CAMSAP3: variants seen among roughly 807,000 people sequenced by gnomAD.
The protein encoded by CAMSAP3 is calmodulin regulated spectrin associated protein family member 3, also known as calmodulin-regulated spectrin-associated protein 3.
Under a neutral mutation model 112.5 loss-of-function variants are expected in CAMSAP3, and 34 were observed. That is an observed-to-expected ratio of 0.30 (90% CI 0.23 to 0.40). CAMSAP3 has a LOEUF of 0.40. Among genes scored for constraint, CAMSAP3 ranks in the 10% least tolerant of loss-of-function variants. The pLI is 1.00. For synonymous variants in CAMSAP3, 868 were observed against 799.8 expected, an observed-to-expected ratio of 1.09 and a Z score of -1.44; for missense variants, 1,602 against 1,770.3, an observed-to-expected ratio of 0.90 and a Z score of 1.71.
rs984404078 is a variant in CAMSAP3 at position 7,615,788 on chromosome 19, G to T, written c.3112+69G>T. 56 of 1,141,912 alleles carry T rather than the reference G, an allele frequency of 4.9e-5. No individual in the cohort carries two copies. Among genetic ancestry groups the T allele is most frequent in the Non-Finnish European group, 5.8e-5 (51 of 884,764 alleles). The allele number at this position is 1,141,912 out of a possible 1,614,324, so 70.7% of individuals were successfully genotyped here. On this transcript the variant is annotated intron_variant, in intron 13 of 16. Transcript: ENST00000160298. This position sits in a 1 kb window ranked among gnomAD's most constrained non-coding sequence, Gnocchi z 6.5. ...GGGCTCACTGGGTGAGGCCCCCATG[G>T]GTAAGGGGGGAGGGGGAGGGAGATG...
rs1462374887 is a variant in CAMSAP3, at chr19:7,611,205, C to A, written c.1123+37C>A. ...GTAGGTGGCTTCTGTCACGGGGGACCCCCCCACTCACAGACTGCCCCAGTG... is the reference window on the plus strand; with the variant it reads ...GTAGGTGGCTTCTGTCACGGGGGACACCCCCACTCACAGACTGCCCCAGTG... On this transcript the variant is annotated intron_variant, in intron 9 of 16. Transcript: ENST00000160298. The surrounding 1 kb of genome is among the most constrained non-coding windows in gnomAD (Gnocchi z 6.9). The A allele has an allele frequency of 1.9e-6, 3 of 1,600,512 alleles. No homozygotes were observed. Among genetic ancestry groups the A allele is most frequent in the Middle Eastern group, 1.7e-4 (1 of 6,030 alleles).
chr19:7,602,146 C>T (rs1011058280), intron 1 of CAMSAP3, among the ~76,000 whole-genome samples: 1 of 152,098 alleles, frequency 6.6e-6, no homozygotes, highest in African/African-American at 2.4e-5. Context: ...ACTTAATTGA[C>T]ATTTGGCAGT....
At position 7,607,867 on chromosome 19, in the gene CAMSAP3, T is replaced by C. The variant is rs2030296758; in HGVS notation, c.622-259T>C. ...AAGGAGTCGGGGAGCAAACCCCCCA[T>C]GGTAATGTATCCCCCGCCCCGGGGT... is the stretch of plus-strand genomic sequence containing the variant. On this transcript the variant is annotated intron_variant, in intron 4 of 16. Transcript: ENST00000160298. The surrounding 1 kb of genome is among the most constrained non-coding windows in gnomAD (Gnocchi z 4.9). 8.3e-7 allele frequency: 1 copy of C among 1,198,910 alleles called. No individual in the cohort carries two copies. The highest frequency in any genetic ancestry group is 1.2e-6 in the Non-Finnish European group (1 of 851,070). 74.3% of individuals were successfully genotyped at this position (1,198,910 alleles called of 1,614,324 possible).
chr19:7,598,778 C>T (rs1215978603), intron 1 of CAMSAP3, among the ~76,000 whole-genome samples: 1 of 151,168 alleles, frequency 6.6e-6, no homozygotes, highest in Non-Finnish European at 1.5e-5. Flanking sequence ...AAGAGAGAGA[C>T]TCTGTCTCAA....
At position 7,618,064 on chromosome 19, in the gene CAMSAP3, C is replaced by A; in HGVS notation, c.*7C>A. On this transcript the variant is annotated 3_prime_UTR_variant, in exon 17 of 17. Transcript: ENST00000160298. ...CGGCGGCACCCCCAAATAGCCCCAC[C>A]CGGGCGGTCCACGGGCCGGGCCCTG... is the stretch of plus-strand genomic sequence containing the variant. 1 of 1,608,260 alleles carries A rather than the reference C, an allele frequency of 6.2e-7. No individual in the cohort carries two copies. The highest frequency in any genetic ancestry group is 8.5e-7 in the Non-Finnish European group (1 of 1,177,566).
chr19:7,615,761 C>A lies in CAMSAP3; in HGVS notation c.3112+42C>A, dbSNP rs552321854. 272 of 989,304 alleles carry A rather than the reference C, an allele frequency of 2.7e-4. No individual in the cohort carries two copies. The East Asian group carries it at 0.027, about 98-fold the overall frequency. 61.3% of individuals were successfully genotyped at this position (989,304 alleles called of 1,614,324 possible). On this transcript the variant is annotated intron_variant, in intron 13 of 16. Coordinates refer to ENST00000160298, the MANE Select transcript of CAMSAP3 (RefSeq NM_020902.2). The surrounding 1 kb of genome is among the most constrained non-coding windows in gnomAD (Gnocchi z 6.5). ...GACGGGGCCTGCCCAGTGCCCTTTC[C>A]GGGGCTCACTGGGTGAGGCCCCCAT...
rs946751409 is a variant in CAMSAP3 at position 7,608,017 on chromosome 19, G to A, written c.622-109G>A. On this transcript the variant is annotated intron_variant, in intron 4 of 16. Transcript: ENST00000160298. Reference sequence around the variant, plus strand: ...CCCAACTCTGTCTCTGGGACCCCCAGCTTCCCGCCCCCTCATGGCGGAAAC... The same window carrying A: ...CCCAACTCTGTCTCTGGGACCCCCAACTTCCCGCCCCCTCATGGCGGAAAC... 2.2e-6 allele frequency: 3 copies of A among 1,386,318 alleles called. No individual in the cohort carries two copies. In the South Asian group the frequency reaches 3.8e-5, roughly 18 times the overall value. 85.9% of individuals were successfully genotyped at this position (1,386,318 alleles called of 1,614,324 possible). A position where few individuals can be genotyped will look rare whatever the true frequency, so the allele number is the denominator to read the frequency against.
chr19:7,617,435 A>C lies in CAMSAP3; in HGVS notation c.3322A>C (p.Thr1108Pro), dbSNP rs1157734778. The part of the protein sequence containing the change: ...ASSPASVPEY[T>P]GPRLYKEPSA... The stretch of plus-strand genomic sequence containing the variant: ...CTCCCCAGCGTCAGTGCCCGAGTAC[A>C]CAGGTAAGCAGGGGCTCTGGGTGAT... The change falls in exon 15 of 17, where the codon ACA becomes CCA. Residue 1108 changes from threonine to proline, a missense_variant. Coordinates refer to ENST00000160298, the MANE Select transcript of CAMSAP3 (RefSeq NM_020902.2). This position sits in a 1 kb window ranked among gnomAD's most constrained non-coding sequence, Gnocchi z 7.5. The C allele has an allele frequency of 2.5e-6, 4 of 1,613,656 alleles. No homozygotes were observed. Among genetic ancestry groups the C allele is most frequent in the Non-Finnish European group, 3.4e-6 (4 of 1,179,768 alleles).
Position 7,617,342 on chromosome 19 carries a change from G to A in CAMSAP3, c.3229G>A (p.Gly1077Ser). Residue 1077 changes from glycine to serine, a missense_variant, in exon 15 of 17, where the codon GGT (glycine) becomes AGT (serine). Physicochemically the swap from Gly to Ser is moderately conservative, Grantham distance 56. Around this residue, in one of 6 missense-constraint regions of CAMSAP3, gnomAD observed 1,100 missense variants for 1,135.7 expected, o/e 0.97. Transcript: ENST00000160298. The surrounding 1 kb of genome is among the most constrained non-coding windows in gnomAD (Gnocchi z 7.5). ...CCACTGCAGGGCTCCCTCCCCGTCAGGTCTCATGTCCCCAAGCCGCCTGCC... is the reference window on the plus strand; with the variant it reads ...CCACTGCAGGGCTCCCTCCCCGTCAAGTCTCATGTCCCCAAGCCGCCTGCC... ...RPTSRAPSPS[G>S]LMSPSRLPGS... 1 of 1,613,920 alleles carries A rather than the reference G, an allele frequency of 6.2e-7. No homozygotes were observed.
chr19:7,604,760 C>T (rs1225667094), intron 1 of CAMSAP3, among the ~76,000 whole-genome samples: 3 of 152,144 alleles, frequency 2.0e-5, no homozygotes, highest in Non-Finnish European at 4.4e-5. Flanking sequence ...CCTCAGTTTC[C>T]TCCTCTGTAA....
At chr19:7,599,810 T>TCCAC (rs1326031619) in intron 1 of CAMSAP3, among the ~76,000 whole-genome samples, 1 of 7,770 alleles carries the variant, frequency 1.3e-4, no homozygotes, top group African/African-American at 6.7e-4. Flanking sequence ...CGCCCATCCA[T>TCCAC]CCACCCACCC....
chr19:7,606,314 C>T lies in CAMSAP3; in HGVS notation c.446C>T (p.Ala149Val), dbSNP rs1568441817. Residue 149 changes from alanine to valine, a missense_variant, in exon 3 of 17, where the codon GCC (alanine) becomes GTC (valine). By Grantham distance (64) the Ala-to-Val change is moderately conservative (BLOSUM62 0). Around this residue, in one of 6 missense-constraint regions of CAMSAP3, gnomAD observed 35 missense variants for 79.8 expected, o/e 0.44. Transcript: ENST00000160298. ...AVIDALMAAF[A>V]FEWTKTLPGP... ...ATTGATGCCCTCATGGCTGCCTTTGCCTTCGAGTGGACAAAGACCCTGCCA... is the reference window on the plus strand; with the variant it reads ...ATTGATGCCCTCATGGCTGCCTTTGTCTTCGAGTGGACAAAGACCCTGCCA... 6.2e-7 allele frequency: 1 copy of T among 1,613,744 alleles called. No homozygotes were observed. Among genetic ancestry groups the T allele is most frequent in the African/African-American group, 1.3e-5 (1 of 74,930 alleles).
rs1334157156 is a variant in CAMSAP3, at chr19:7,610,274, C to T, written c.761-202C>T. On this transcript the variant is annotated intron_variant, in intron 5 of 16. Coordinates refer to ENST00000160298, the MANE Select transcript of CAMSAP3 (RefSeq NM_020902.2). This position sits in a 1 kb window ranked among gnomAD's most constrained non-coding sequence, Gnocchi z 4.9. ...CAGAGGTTGCAGTGAGCTGGGATTG[C>T]GCCACTGCACTACAGCCTGGGTGAC... Among the ~76,000 whole-genome samples the T allele has an allele frequency of 2.7e-5, 4 of 150,448 alleles. No individual in the cohort carries two copies. The highest frequency in any genetic ancestry group is 9.8e-5 in the African/African-American group (4 of 40,790).
intron 1 of CAMSAP3, among the ~76,000 whole-genome samples, chr19:7,600,945 C>T (rs1276644671): frequency 6.6e-6 from 1 of 150,450 alleles, no homozygotes; most frequent in East Asian, 2.0e-4. Flanking sequence ...CATCCATTCA[C>T]CCACCCATTC....
At position 7,610,600 on chromosome 19, in the gene CAMSAP3, C is replaced by A. The variant is rs1232786164; in HGVS notation, c.885C>A (p.Val295=). The A allele has an allele frequency of 6.2e-7, 1 of 1,613,414 alleles. No homozygotes were observed. The highest frequency in any genetic ancestry group is 1.7e-5 in the Admixed American group (1 of 60,014). The change falls in exon 6 of 17, where the codon GTC becomes GTA. Residue 295 remains valine (V), a synonymous_variant. Coordinates refer to ENST00000160298, the MANE Select transcript of CAMSAP3 (RefSeq NM_020902.2). The surrounding 1 kb of genome is among the most constrained non-coding windows in gnomAD (Gnocchi z 4.9). Reference sequence around the variant, plus strand: ...TGTCCCTTGAGGACTTGCTGTACGTCCCACCGCCACTCAAGGTAAGGCCAT... The same window carrying A: ...TGTCCCTTGAGGACTTGCTGTACGTACCACCGCCACTCAAGGTAAGGCCAT... ...CPLSLEDLLY[V]PPPLKVNLVV...
At chr19:7,606,042 TAGC>T in intron 2 of CAMSAP3, among the ~76,000 whole-genome samples, 1 of 152,204 alleles carries the variant, frequency 6.6e-6, no homozygotes, top group East Asian at 1.9e-4. Context: ...TCCTAACGCC[TAGC>T]ATCTGACCTC....
chr19:7,606,164 C>T (rs866457480), intron 2 of CAMSAP3, 107 bp from the exon 3 acceptor site: 8 of 825,764 alleles, frequency 9.7e-6, no homozygotes, highest in Admixed American at 2.1e-5. Context: ...CCACCCCCCC[C>T]GTCAAGTCCC....
Position 7,610,084 on chromosome 19 carries a change from T to C in CAMSAP3, c.761-392T>C, listed in dbSNP as rs540946874. Among the ~76,000 whole-genome samples, 3 of 152,220 alleles carry C rather than the reference T, an allele frequency of 2.0e-5. No individual in the cohort carries two copies. The highest frequency in any genetic ancestry group is 4.1e-4 in the South Asian group (2 of 4,828). Reference sequence around the variant, plus strand: ...CTGTAATCCCAGCACTTTGGGTGGCTGAGGCGGCCGGATCATGAAGTCAGG... The same window carrying C: ...CTGTAATCCCAGCACTTTGGGTGGCCGAGGCGGCCGGATCATGAAGTCAGG... On this transcript the variant is annotated intron_variant, in intron 5 of 16. Coordinates refer to ENST00000160298, the MANE Select transcript of CAMSAP3 (RefSeq NM_020902.2). This position sits in a 1 kb window ranked among gnomAD's most constrained non-coding sequence, Gnocchi z 4.9.
rs1204403603 is a variant in CAMSAP3 at position 7,615,503 on chromosome 19, G to A, written c.2896G>A (p.Ala966Thr). The change falls in exon 13 of 17, where the codon GCC (alanine) becomes ACC (threonine). Residue 966 changes from alanine to threonine, a missense_variant. Transcript: ENST00000160298. The surrounding 1 kb of genome is among the most constrained non-coding windows in gnomAD (Gnocchi z 6.5). ...ATPAPAARAPAEEEVGPRKGD... is the reference protein window; with the variant it reads ...ATPAPAARAPTEEEVGPRKGD... ...TCCAGCCCCTGCTGCCCGGGCTCCA[G>A]CCGAGGAGGAGGTGGGCCCCCGGAA... The A allele has an allele frequency of 3.2e-6, 5 of 1,539,660 alleles. No homozygotes were observed. Among genetic ancestry groups the A allele is most frequent in the Non-Finnish European group, 3.5e-6 (4 of 1,145,072 alleles).
Sources: gnomAD v4.1 joint callset for allele counts (sites outside exome capture counted in the v4.1 genomes callset) on GRCh38, gnomAD v4.1.1 for gene constraint, gnomAD v4.1.1 regional missense constraint, Gnocchi (gnomAD v3.1) non-coding constraint, MANE v1.5 for transcripts, NCBI Gene and HGNC (gene_info 2026-07-23, HGNC 2026-07-21) for gene names.